Variants in PTPRD observed in about 807,000 individuals in gnomAD.
The protein encoded by PTPRD is receptor-type tyrosine-protein phosphatase delta.
A neutral mutation model predicts 214.5 loss-of-function variants in PTPRD; 34 were observed. The observed-to-expected ratio is 0.16, with a 90% confidence interval of 0.12 to 0.21. The LOEUF (loss-of-function observed/expected upper bound fraction) is 0.21, where lower values mean the gene tolerates loss of function less well. PTPRD is among the 10% of genes least tolerant of loss of function. The pLI is 1.00. For missense variants in PTPRD, 2,545 were observed against 2,398.7 expected, an observed-to-expected ratio of 1.06 and a Z score of -1.27; for synonymous variants, 1,128 against 845.7, an observed-to-expected ratio of 1.33 and a Z score of -5.79.
intron 3 of PTPRD, among the ~76,000 whole-genome samples, chr9:10,061,323 G>A (rs1199042395): frequency 1.3e-5 from 2 of 151,976 alleles, no homozygotes; most frequent in Non-Finnish European, 2.9e-5. Flanking sequence ...GAAATAGAAT[G>A]GAAAGGACCT....
At chr9:9,677,210 A>G (rs1282667752) in intron 7 of PTPRD, among the ~76,000 whole-genome samples, 3 of 152,082 alleles carry the variant, frequency 2.0e-5, no homozygotes, top group African/African-American at 7.2e-5. Flanking sequence ...GCCCATGCCT[A>G]TGTCCTGAAT....
At chr9:8,983,160 A>C (rs1209224679) in intron 11 of PTPRD, among the ~76,000 whole-genome samples, 1 of 152,026 alleles carries the variant, frequency 6.6e-6, no homozygotes, top group Non-Finnish European at 1.5e-5. Context: ...CACACTAGTA[A>C]TATTGTGATT....
intron 11 of PTPRD, among the ~76,000 whole-genome samples, chr9:9,011,961 G>T (rs76583945): frequency 0.021 from 3,156 of 152,194 alleles, 114 homozygotes; most frequent in African/African-American, 0.072. Context: ...AAGATGATAG[G>T]ATTTTACTCT....
At chr9:8,736,590 A>C (rs1343223569) in intron 11 of PTPRD, among the ~76,000 whole-genome samples, 1 of 152,214 alleles carries the variant, frequency 6.6e-6, no homozygotes, top group Non-Finnish European at 1.5e-5. Flanking sequence ...ATGAGAACAA[A>C]AATTGTTTTA....
intron 11 of PTPRD, among the ~76,000 whole-genome samples, chr9:8,768,204 G>T (rs967393839): frequency 4.6e-5 from 7 of 152,022 alleles, no homozygotes; most frequent in Non-Finnish European, 1.0e-4. Context: ...AAACCACCCT[G>T]GGCAACATAG....
chr9:9,637,348 C>T (rs139824712), intron 7 of PTPRD, among the ~76,000 whole-genome samples: 1 of 152,086 alleles, frequency 6.6e-6, no homozygotes, highest in East Asian at 1.9e-4. Flanking sequence ...AGCTGTGAGG[C>T]TGTGAAATCA....
At chr9:8,682,188 T>C (rs148149635) in intron 12 of PTPRD, among the ~76,000 whole-genome samples, 1 of 152,338 alleles carries the variant, frequency 6.6e-6, no homozygotes, top group East Asian at 1.9e-4. Context: ...AAATGCATTA[T>C]GCATTAGGTA....
intron 9 of PTPRD, among the ~76,000 whole-genome samples, chr9:9,349,768 G>A (rs969374155): frequency 4.3e-5 from 6 of 139,198 alleles, no homozygotes; most frequent in Non-Finnish European, 7.6e-5. Flanking sequence ...TTTTTTTTTT[G>A]TGCTATAAAT....
chr9:10,572,085 T>C (rs528361608), intron 2 of PTPRD, among the ~76,000 whole-genome samples: 1 of 152,264 alleles, frequency 6.6e-6, no homozygotes, highest in African/African-American at 2.4e-5. Flanking sequence ...ACAGGAAACA[T>C]TGAACTCCAT....
chr9:9,837,317 A>C (rs761148508), intron 5 of PTPRD, among the ~76,000 whole-genome samples: 2 of 152,152 alleles, frequency 1.3e-5, no homozygotes, highest in South Asian at 2.1e-4. Context: ...GTTTAATGAG[A>C]GATAGTTACA....
At chr9:9,245,086 G>C (rs1019806783) in intron 9 of PTPRD, among the ~76,000 whole-genome samples, 3 of 152,140 alleles carry the variant, frequency 2.0e-5, no homozygotes, top group African/African-American at 4.8e-5. Context: ...ACCACAATGA[G>C]ATATCGTCTC....
intron 11 of PTPRD, among the ~76,000 whole-genome samples, chr9:9,014,543 T>C (rs1362279263): frequency 6.6e-6 from 1 of 152,132 alleles, no homozygotes; most frequent in Non-Finnish European, 1.5e-5. Flanking sequence ...TGTGTTTGTC[T>C]AGAGATTCCT....
chr9:10,490,555 T>G (rs2039870678), intron 2 of PTPRD, among the ~76,000 whole-genome samples: 1 of 152,184 alleles, frequency 6.6e-6, no homozygotes. Flanking sequence ...CTAAAGCATT[T>G]TTGACATTTC....
chr9:10,124,029 C>T (rs1326377509), intron 3 of PTPRD, among the ~76,000 whole-genome samples: 6 of 152,120 alleles, frequency 3.9e-5, no homozygotes, highest in African/African-American at 1.4e-4. Context: ...CTGGAAGGAA[C>T]ATCTGAGTTT....
At chr9:10,557,648 A>C (rs1241666257) in intron 2 of PTPRD, among the ~76,000 whole-genome samples, 3 of 152,162 alleles carry the variant, frequency 2.0e-5, no homozygotes, top group Non-Finnish European at 1.5e-5. Flanking sequence ...TTTTCAAAAG[A>C]GAAATCTGAT....
chr9:10,280,729 C>T (rs1175785202), intron 3 of PTPRD, among the ~76,000 whole-genome samples: 1 of 152,094 alleles, frequency 6.6e-6, no homozygotes, highest in Non-Finnish European at 1.5e-5. Flanking sequence ...CCCATCTCAG[C>T]CTCCTGAGTA....
chr9:8,984,152 T>TAC (rs1567401161), intron 11 of PTPRD, among the ~76,000 whole-genome samples: 3 of 152,020 alleles, frequency 2.0e-5, no homozygotes. Context: ...ATAAAAACAA[T>TAC]ACAAAGACAT....
At chr9:9,853,538 G>GC (rs2153670739) in intron 5 of PTPRD, among the ~76,000 whole-genome samples, 1 of 151,924 alleles carries the variant, frequency 6.6e-6, no homozygotes, top group African/African-American at 2.4e-5. Flanking sequence ...TATTTTTAAG[G>GC]GTTTTTTTTG....
chr9:10,461,762 A>C (rs1392926668), intron 2 of PTPRD, among the ~76,000 whole-genome samples: 2 of 151,864 alleles, frequency 1.3e-5, no homozygotes, highest in Non-Finnish European at 2.9e-5. Context: ...AACTGGGATT[A>C]CAGGCGTGAG....
Sources: allele counts gnomAD v4.1 joint callset (sites outside exome capture counted in the v4.1 genomes callset), GRCh38; gene constraint gnomAD v4.1.1; transcripts MANE v1.5; gene names NCBI Gene and HGNC (gene_info 2026-07-23, HGNC 2026-07-21).